Variants in DLG2 observed in about 807,000 individuals in gnomAD.
DLG2 encodes disks large homolog 2.
Under a neutral mutation model 132.5 loss-of-function variants are expected in DLG2, and 45 were observed. The ratio of observed to expected loss-of-function variants is 0.34; its 90% CI spans 0.27 to 0.44. The LOEUF is 0.44. Among genes scored for constraint, DLG2 ranks in the 20% least tolerant of loss-of-function variants. DLG2 has a pLI of 1.00. For missense variants in DLG2, 1,045 were observed against 1,196.9 expected (o/e 0.87, Z 1.87); for synonymous variants, 424 against 419.6 (o/e 1.01, Z -0.13).
At chr11:83,869,147 T>G (rs761991891) in intron 16 of DLG2, among the ~76,000 whole-genome samples, 3 of 152,172 alleles carry the variant, frequency 2.0e-5, no homozygotes, top group Non-Finnish European at 4.4e-5. Context: ...ATGTTAGATC[T>G]GGGTTCTATG....
At chr11:84,263,024 T>C (rs1245424896) in intron 7 of DLG2, among the ~76,000 whole-genome samples, 1 of 152,138 alleles carries the variant, frequency 6.6e-6, no homozygotes, top group Non-Finnish European at 1.5e-5. Flanking sequence ...AGGAATTATG[T>C]TCCTAATATA....
At chr11:84,138,335 G>A (rs1035212600) in intron 9 of DLG2, among the ~76,000 whole-genome samples, 4 of 152,196 alleles carry the variant, frequency 2.6e-5, no homozygotes, top group Non-Finnish European at 5.9e-5. Context: ...TCTGAGTGAT[G>A]CATAGGTTGT....
At position 84,592,835 on chromosome 11, in the gene DLG2, G is replaced by A. The variant is rs551813112; in HGVS notation, c.358-58104C>T. On this transcript the variant is annotated intron_variant, in intron 6 of 27. Coordinates refer to ENST00000376104, the MANE Select transcript of DLG2 (RefSeq NM_001142699.3). ...GAAACAGGCCAGTAACAGGATTACA[G>A]GCCTGTAATCCCAGCACTTTGGGAG... is the stretch of plus-strand genomic sequence containing the variant. Among the ~76,000 whole-genome samples, 60 of 145,174 alleles carry A rather than the reference G, an allele frequency of 4.1e-4. No homozygotes were observed. In the South Asian group the frequency reaches 5.4e-3, roughly 13 times the overall value.
chr11:84,825,326 C>T (rs1238448923), intron 6 of DLG2, among the ~76,000 whole-genome samples: 1 of 151,836 alleles, frequency 6.6e-6, no homozygotes, highest in Non-Finnish European at 1.5e-5. Flanking sequence ...TTTCACATTC[C>T]TAAGGCCCGA....
rs34531092 is a variant in DLG2 at position 84,082,472 on chromosome 11, A to G, written c.749+16451T>C. 5.8e-3 allele frequency among the ~76,000 whole-genome samples: 882 copies of G among 152,330 alleles called. 10 individuals carry two copies. The highest frequency in any genetic ancestry group is 0.01 in the Non-Finnish European group (703 of 68,036). Reference sequence around the variant, plus strand: ...AAAACAAGATTACTTAATCTTTTTCACTATCTTTTTAGATGGGTTTGTGAA... The same window carrying G: ...AAAACAAGATTACTTAATCTTTTTCGCTATCTTTTTAGATGGGTTTGTGAA... On this transcript the variant is annotated intron_variant, in intron 10 of 27. Coordinates refer to ENST00000376104, the MANE Select transcript of DLG2 (RefSeq NM_001142699.3).
intron 6 of DLG2, among the ~76,000 whole-genome samples, chr11:84,948,470 C>G (rs1311419040): frequency 4.6e-5 from 7 of 152,224 alleles, no homozygotes; most frequent in Non-Finnish European, 1.0e-4. Flanking sequence ...AATGAGTCAA[C>G]TGAAAGCAGG....
intron 6 of DLG2, among the ~76,000 whole-genome samples, chr11:84,971,898 G>A (rs1284087034): frequency 1.3e-5 from 2 of 152,054 alleles, no homozygotes; most frequent in Non-Finnish European, 2.9e-5. Context: ...ATGTCTACTA[G>A]AGAGAAAATA....
chr11:84,876,989 G>A (rs1490977401), intron 6 of DLG2, among the ~76,000 whole-genome samples: 1 of 152,120 alleles, frequency 6.6e-6, no homozygotes, highest in Non-Finnish European at 1.5e-5. Flanking sequence ...GTAGTTGTGT[G>A]ATTTTTTGAG....
At chr11:84,841,544 A>G (rs1045248144) in intron 6 of DLG2, among the ~76,000 whole-genome samples, 4 of 151,920 alleles carry the variant, frequency 2.6e-5, no homozygotes, top group Admixed American at 6.6e-5. Flanking sequence ...TTGTTTACCT[A>G]TTTTTAGTTA....
intron 15 of DLG2, among the ~76,000 whole-genome samples, chr11:83,909,378 A>G (rs1397980941): frequency 6.6e-6 from 1 of 152,192 alleles, no homozygotes; most frequent in Admixed American, 6.6e-5. Flanking sequence ...AATAGTAATT[A>G]ATCAGAGAAA....
intron 6 of DLG2, among the ~76,000 whole-genome samples, chr11:84,753,137 T>A (rs1298883709): frequency 6.6e-6 from 1 of 152,184 alleles, no homozygotes; most frequent in Non-Finnish European, 1.5e-5. Context: ...TGGGCAAGAA[T>A]AAACTTGGCT....
rs77962457 is a variant in DLG2 at position 84,395,751 on chromosome 11, T to C, written c.519+138819A>G. ...AGTGTATATGTACCTCAAAATACCA[T>C]GTTGTACATGATAAAAGCATACAAT... On this transcript the variant is annotated intron_variant, in intron 7 of 27. Transcript: ENST00000376104. 9.6e-3 allele frequency among the ~76,000 whole-genome samples: 1,464 copies of C among 152,348 alleles called. 5 individuals carry two copies. Among genetic ancestry groups the C allele is most frequent in the Admixed American group, 0.015 (232 of 15,304 alleles).
chr11:84,308,942 G>A (rs2098259903), intron 7 of DLG2, among the ~76,000 whole-genome samples: 1 of 152,138 alleles, frequency 6.6e-6, no homozygotes, highest in Non-Finnish European at 1.5e-5. Context: ...TGCAAGCTGA[G>A]GGAGCCGGCT....
At chr11:85,100,144 G>T (rs2070642114) in intron 6 of DLG2, among the ~76,000 whole-genome samples, 1 of 152,072 alleles carries the variant, frequency 6.6e-6, no homozygotes, top group Non-Finnish European at 1.5e-5. Flanking sequence ...ATACATTTCA[G>T]TTATATCTTA....
At chr11:84,803,142 C>T (rs1490366307) in intron 6 of DLG2, among the ~76,000 whole-genome samples, 1 of 151,972 alleles carries the variant, frequency 6.6e-6, no homozygotes, top group African/African-American at 2.4e-5. Context: ...AACTCTTGTC[C>T]AACAAAATTG....
intron 4 of DLG2, among the ~76,000 whole-genome samples, chr11:85,211,489 C>G (rs2082252746): frequency 6.6e-6 from 1 of 152,100 alleles, no homozygotes; most frequent in African/African-American, 2.4e-5. Context: ...AAGACCTCCT[C>G]AGAAGTAAGG....
At chr11:84,897,974 G>A (rs2090417589) in intron 6 of DLG2, among the ~76,000 whole-genome samples, 1 of 151,892 alleles carries the variant, frequency 6.6e-6, no homozygotes, top group East Asian at 1.9e-4. Flanking sequence ...AATTAACTGT[G>A]CTTTTCTACC....
intron 11 of DLG2, among the ~76,000 whole-genome samples, chr11:84,033,250 G>C (rs538633597): frequency 6.6e-6 from 1 of 152,282 alleles, no homozygotes; most frequent in East Asian, 1.9e-4. Context: ...CCATTAGGAA[G>C]ATTCATGATT....
intron 4 of DLG2, among the ~76,000 whole-genome samples, chr11:85,183,439 T>C (rs2079868777): frequency 6.6e-6 from 1 of 151,900 alleles, no homozygotes; most frequent in African/African-American, 2.4e-5. Flanking sequence ...TTTATTACTT[T>C]GCTACACATG....
Sources: gnomAD v4.1 joint callset for allele counts (sites outside exome capture counted in the v4.1 genomes callset) on GRCh38, gnomAD v4.1.1 for gene constraint, MANE v1.5 for transcripts, NCBI Gene and HGNC (gene_info 2026-07-23, HGNC 2026-07-21) for gene names.